SETD7: variants seen among roughly 807,000 people sequenced by gnomAD.
SETD7 encodes the protein SET domain containing 7, histone lysine methyltransferase.
A neutral mutation model predicts 41.8 loss-of-function variants in SETD7; 16 were observed. The observed-to-expected ratio is 0.38, with a 90% CI of 0.26 to 0.58. The LOEUF is 0.58. SETD7 is among the 20% of genes least tolerant of loss of function. The pLI, the probability that SETD7 is intolerant of heterozygous loss-of-function variation, is 0.64. For synonymous variants in SETD7, 163 were observed against 169.7 expected, an observed-to-expected ratio of 0.96 and a Z score of 0.31; for missense variants, 346 against 459.7, an observed-to-expected ratio of 0.75 and a Z score of 2.26.
chr4:139,553,352 C>T (rs1227704481), intron 1 of SETD7, among the ~76,000 whole-genome samples: 2 of 152,340 alleles, frequency 1.3e-5, no homozygotes, highest in African/African-American at 4.8e-5. Context: ...TCCCCAAATA[C>T]ATTTTTCTGA....
In SETD7 at chr4:139,509,779, C is replaced by G; in HGVS notation, c.*1884G>C. On this transcript the variant is annotated 3_prime_UTR_variant, in exon 8 of 8. Coordinates refer to ENST00000274031, the MANE Select transcript of SETD7 (RefSeq NM_030648.4). ...TTCTACAGAGTAAGAGTGACCCTAT[C>G]CTGGTGCCTTTAAATCTAAAAACTA... is the stretch of plus-strand genomic sequence containing the variant. The G allele has an allele frequency of 2.3e-5, 23 of 985,448 alleles. No individual in the cohort carries two copies. The highest frequency in any genetic ancestry group is 2.8e-5 in the Non-Finnish European group (23 of 829,942). The allele number at this position is 985,448 out of a possible 1,614,324, so 61.0% of individuals were successfully genotyped here. A position where few individuals can be genotyped will look rare whatever the true frequency, so the allele number is the denominator to read the frequency against.
At chr4:139,522,741 C>CTTTTTTTTTTTT (rs11357611) in intron 5 of SETD7, among the ~76,000 whole-genome samples, 2 of 93,450 alleles carry the variant, frequency 2.1e-5, no homozygotes, top group Non-Finnish European at 3.8e-5. Context: ...CCCAGCTGCT[C>CTTTTTTTTTTTT]TTTTTTTTTT....
intron 3 of SETD7, among the ~76,000 whole-genome samples, chr4:139,529,826 C>T (rs1245797303): frequency 6.6e-6 from 1 of 152,176 alleles, no homozygotes; most frequent in Non-Finnish European, 1.5e-5. Flanking sequence ...TCTGAGACTC[C>T]TATACCATCA....
chr4:139,523,047 C>T (rs899883043), intron 5 of SETD7, among the ~76,000 whole-genome samples: 6 of 152,152 alleles, frequency 3.9e-5, no homozygotes, highest in African/African-American at 1.2e-4. Flanking sequence ...AGCCACCATG[C>T]CTGGCCTCAA....
downstream of SETD7, among the ~76,000 whole-genome samples, chr4:139,505,698 T>A (rs1337670024): frequency 1.3e-5 from 2 of 152,202 alleles, no homozygotes; most frequent in Non-Finnish European, 2.9e-5. Flanking sequence ...CCACAACGTC[T>A]AACAAAATTT....
intron 7 of SETD7, among the ~76,000 whole-genome samples, chr4:139,515,564 G>C (rs571246672): frequency 6.6e-6 from 1 of 152,196 alleles, no homozygotes; most frequent in Non-Finnish European, 1.5e-5. Flanking sequence ...GTGCAGCTTG[G>C]AATGACACTT....
At chr4:139,505,867 C>A (rs2111113383), downstream of SETD7, among the ~76,000 whole-genome samples, 1 of 152,264 alleles carries the variant, frequency 6.6e-6, no homozygotes, top group Middle Eastern at 3.4e-3. Context: ...GGAATCATAT[C>A]AAATCCTCCG....
At chr4:139,511,871 C>CCCGGG (rs1476130091) in intron 7 of SETD7, 28 bp from the exon 8 acceptor site, 2 of 1,593,492 alleles carry the variant, frequency 1.3e-6, no homozygotes, top group African/African-American at 2.7e-5. Context: ...CACAGTCATT[C>CCCGGG]CCGGGCCAGA....
rs1727081632 is a variant in SETD7, at chr4:139,518,155, T to A, written c.763-113A>T. ...TATTATTTTTGTTTTTGAGACAGGG[T>A]CTCACTCTGTCACCTAGGCTGGAGC... On this transcript the variant is annotated intron_variant, in intron 6 of 7. Transcript: ENST00000274031. 3.4e-6 allele frequency: 4 copies of A among 1,172,710 alleles called. No homozygotes were observed. The Admixed American group carries it at 1.2e-4, about 35-fold the overall frequency. 72.6% of individuals were successfully genotyped at this position (1,172,710 alleles called of 1,614,324 possible). A position where few individuals can be genotyped will look rare whatever the true frequency, so the allele number is the denominator to read the frequency against.
chr4:139,537,605 TCTAA>T (rs1243490984), intron 2 of SETD7, among the ~76,000 whole-genome samples: 4 of 152,246 alleles, frequency 2.6e-5, no homozygotes, highest in East Asian at 3.8e-4. Context: ...GTCCTATTTC[TCTAA>T]CTAGATTGTA....
chr4:139,522,649 G>A (rs887259532), intron 5 of SETD7, among the ~76,000 whole-genome samples: 23 of 150,910 alleles, frequency 1.5e-4, no homozygotes, highest in African/African-American at 2.0e-4. Flanking sequence ...AGCATGAAAT[G>A]TTCCCCTAGA....
At chr4:139,523,181 A>G (rs1727228798) in intron 5 of SETD7, among the ~76,000 whole-genome samples, 173 bp downstream of exon 5, 1 of 152,252 alleles carries the variant, frequency 6.6e-6, no homozygotes. Context: ...CTTCCTCAGA[A>G]TATAGAAATA....
At chr4:139,533,444 A>T in intron 2 of SETD7, 78 bp from the exon 3 acceptor site, 2 of 1,232,888 alleles carry the variant, frequency 1.6e-6, no homozygotes, top group South Asian at 2.7e-5. Flanking sequence ...ATATCCAAGG[A>T]ACTGCATGCC....
chr4:139,542,332 T>C (rs1727802380), intron 2 of SETD7, among the ~76,000 whole-genome samples: 1 of 152,138 alleles, frequency 6.6e-6, no homozygotes, highest in Admixed American at 6.6e-5. Flanking sequence ...TTCTATTACA[T>C]AACAGGGTGA....
chr4:139,501,609 A>G (rs1163876278), downstream of SETD7, among the ~76,000 whole-genome samples: 1 of 151,646 alleles, frequency 6.6e-6, no homozygotes, highest in Non-Finnish European at 1.5e-5. Flanking sequence ...AGGTACTCAA[A>G]AAAAAACCCC....
At chr4:139,497,226 G>A (rs998685508) in intron 7 of SETD7, among the ~76,000 whole-genome samples, 1 of 152,102 alleles carries the variant, frequency 6.6e-6, no homozygotes, top group East Asian at 1.9e-4. Context: ...AGGCCGAGGT[G>A]GGCGAATCAC....
rs1053687080 is a variant in SETD7 at position 139,512,817 on chromosome 4, G to A, written c.921-974C>T. 2.4e-5 allele frequency among the ~76,000 whole-genome samples: 3 copies of A among 126,566 alleles called. No homozygotes were observed. The Admixed American group carries it at 3.1e-4, about 13-fold the overall frequency. The allele number at this position is 126,566 out of a possible 152,430, so 83.0% of individuals were successfully genotyped here. On this transcript the variant is annotated intron_variant, in intron 7 of 7. Transcript: ENST00000274031. ...CTGTTGCCCAGGCTGAAGTGCAGTG[G>A]CATGATCTTGGCTCACTGCAACTTC...
exon 8 of SETD7, chr4:139,496,182 C>T (rs1024316106): frequency 2.1e-5 from 10 of 471,146 alleles, no homozygotes; most frequent in Non-Finnish European, 3.7e-5. Flanking sequence ...GGTCTTTTTC[C>T]CCCCTCTGGT....
At chr4:139,537,504 C>T (rs1346246521) in intron 2 of SETD7, among the ~76,000 whole-genome samples, 1 of 152,176 alleles carries the variant, frequency 6.6e-6, no homozygotes, top group East Asian at 1.9e-4. Context: ...CTATCCTGAT[C>T]TTGGCAGCCC....
Sources: gnomAD v4.1 joint callset for allele counts (sites outside exome capture counted in the v4.1 genomes callset) on GRCh38, gnomAD v4.1.1 for gene constraint, MANE v1.5 for transcripts, NCBI Gene and HGNC (gene_info 2026-07-23, HGNC 2026-07-21) for gene names.